The following LRCH2 variants were observed in gnomAD, a reference collection of about 807,000 sequenced individuals.
LRCH2 encodes leucine-rich repeat and calponin homology domain-containing protein 2.
LRCH2 carries 38 observed loss-of-function variants against 68.9 expected under a neutral mutation model. The observed-to-expected ratio is 0.55, with a 90% CI of 0.43 to 0.72. The LOEUF is 0.72. Ranked by LOEUF, LRCH2 falls within the 30% of genes least tolerant of loss-of-function variation. LRCH2 has a pLI of 0.00. For missense variants in LRCH2, 528 were observed against 572.9 expected (o/e 0.92, Z 0.80); for synonymous variants, 191 against 208.1 (o/e 0.92, Z 0.71).
intron 1 of LRCH2, chrX:115,189,363 C>G (rs1212294068): frequency 1.5e-5 from 16 of 1,050,172 alleles, no homozygotes; most frequent in Non-Finnish European, 1.9e-5. Context: ...CCGCCCTCCA[C>G]GAGAGCGCTC....
chrX:115,197,385 A>C (rs2072895358), intron 1 of LRCH2, among the ~76,000 whole-genome samples: 2 of 112,154 alleles, frequency 1.8e-5, no homozygotes, highest in African/African-American at 6.5e-5. Context: ...GAAATCTAAA[A>C]ACCAATACAA....
intron 1 of LRCH2, among the ~76,000 whole-genome samples, chrX:115,224,165 A>C (rs1294686189): frequency 1.8e-5 from 2 of 111,645 alleles, no homozygotes; most frequent in East Asian, 5.6e-4. Flanking sequence ...GATGGGGTAA[A>C]TCTATAGAGA....
In LRCH2 at chrX:115,150,017, C is replaced by G; in HGVS notation, c.1578+5G>C. ...AGATATAATTGTAATTTAATTTCTT[C>G]TTACCTGCCAGGTGAGGGGTGATAA... On this transcript the variant is annotated splice_donor_5th_base_variant and intron_variant, in intron 13 of 20. Transcript: ENST00000317135. 1 of 1,167,646 alleles carries G rather than the reference C, an allele frequency of 8.6e-7. No homozygotes were observed. Among genetic ancestry groups the G allele is most frequent in the Non-Finnish European group, 1.1e-6 (1 of 871,210 alleles).
At chrX:115,154,921 G>C (rs1212830180) in intron 12 of LRCH2, among the ~76,000 whole-genome samples, 1 of 107,937 alleles carries the variant, frequency 9.3e-6, no homozygotes, top group Non-Finnish European at 1.9e-5. Flanking sequence ...AGCATTTTGG[G>C]AGGCTGAGGC....
Position 115,233,766 on chromosome X carries a change from G to A in LRCH2, c.276C>T (p.Ile92=). 2 of 1,179,383 alleles carry A rather than the reference G, an allele frequency of 1.7e-6. No homozygotes were observed. Among genetic ancestry groups the A allele is most frequent in the East Asian group, 6.3e-5 (2 of 31,813 alleles). ...GGAGTTTCCGACCACTGAGGCTCAG[G>A]ATGCCGGAGCTGCCCGCCTCTTCCA... ...RALEEAGSSG[I]LSLSGRKLRD... is the part of the protein sequence containing the mutation. Residue 92 remains isoleucine, a synonymous_variant, in exon 1 of 21, where the codon ATC becomes ATT. Transcript: ENST00000317135.
At chrX:115,226,962 T>C (rs1556576446) in intron 1 of LRCH2, among the ~76,000 whole-genome samples, 2 of 111,330 alleles carry the variant, frequency 1.8e-5, no homozygotes, top group South Asian at 3.9e-4. Flanking sequence ...TGCTGCACTT[T>C]CCATTTATCT....
chrX:115,205,788 A>T (rs1238507855), intron 1 of LRCH2, among the ~76,000 whole-genome samples: 1 of 110,919 alleles, frequency 9.0e-6, no homozygotes, highest in African/African-American at 3.3e-5. Context: ...AATACAAAAA[A>T]TTAGCCAGGC....
chrX:115,182,100 CT>C (rs1166354190), intron 3 of LRCH2, among the ~76,000 whole-genome samples: 1 of 111,362 alleles, frequency 9.0e-6, no homozygotes, highest in East Asian at 2.8e-4. Flanking sequence ...ATATAAGAGA[CT>C]TGAGCATTCG....
intron 11 of LRCH2, among the ~76,000 whole-genome samples, chrX:115,157,900 A>T (rs1284088221): frequency 9.1e-6 from 1 of 110,144 alleles, no homozygotes; most frequent in African/African-American, 3.3e-5. Context: ...CATTGTGATT[A>T]CGGTTGTGTA....
At chrX:115,232,589 C>T (rs1556578807) in intron 1 of LRCH2, among the ~76,000 whole-genome samples, 1 of 111,559 alleles carries the variant, frequency 9.0e-6, no homozygotes, top group Non-Finnish European at 1.9e-5. Flanking sequence ...GATCTAAAAA[C>T]TGAATACATC....
At position 115,112,074 on chromosome X, in the gene LRCH2, G is replaced by A. The variant is rs1160181822; in HGVS notation, c.*1142C>T. 2.7e-5 allele frequency: 3 copies of A among 111,795 alleles called. No homozygotes were observed. In the East Asian group the frequency reaches 8.4e-4, roughly 31 times the overall value. 9.2% of individuals were successfully genotyped at this position (111,795 alleles called of 1,213,427 possible). A position where few individuals can be genotyped will look rare whatever the true frequency, so the allele number is the denominator to read the frequency against. On this transcript the variant is annotated 3_prime_UTR_variant, in exon 21 of 21. Transcript: ENST00000317135. Reference sequence around the variant, plus strand: ...ACAGTATCTCATGAAAATATTTATAGAAGAGTCTGTGTTTAATTTAACATC... The same window carrying A: ...ACAGTATCTCATGAAAATATTTATAAAAGAGTCTGTGTTTAATTTAACATC...
intron 1 of LRCH2, among the ~76,000 whole-genome samples, chrX:115,216,131 T>C (rs1353556394): frequency 4.5e-5 from 5 of 112,175 alleles, no homozygotes; most frequent in Admixed American, 9.5e-5. Context: ...TGGAATATCC[T>C]GTAGCCTTTA....
intron 20 of LRCH2, 51 bp downstream of exon 20, chrX:115,122,476 T>G (rs1439333924): frequency 2.9e-6 from 3 of 1,018,567 alleles, no homozygotes; most frequent in Non-Finnish European, 4.1e-6. Flanking sequence ...CCAGTTTGCA[T>G]GTAATAAATT....
intron 1 of LRCH2, among the ~76,000 whole-genome samples, chrX:115,221,194 AAAAAAAAAAAAAAAAAATATAT>A (rs1412722473): frequency 1.4e-3 from 75 of 52,274 alleles, no homozygotes; most frequent in East Asian, 5.6e-3. Context: ...AAAAAAAAAA[AAAAAAAAAAAAAAAAAATATAT>A]ATATATATAT....
chrX:115,208,106 C>G (rs1556568852), intron 1 of LRCH2, among the ~76,000 whole-genome samples: 1 of 112,201 alleles, frequency 8.9e-6, no homozygotes, highest in African/African-American at 3.2e-5. Context: ...AGTCTCCAAA[C>G]CTGTGAGAGA....
At chrX:115,208,810 G>A (rs1040454235) in intron 1 of LRCH2, among the ~76,000 whole-genome samples, 1 of 111,920 alleles carries the variant, frequency 8.9e-6, no homozygotes, top group Non-Finnish European at 1.9e-5. Flanking sequence ...TAATAATATA[G>A]ATTACCATAG....
chrX:115,192,348 G>A, intron 1 of LRCH2: 2 of 1,075,313 alleles, frequency 1.9e-6, no homozygotes, highest in South Asian at 4.1e-5. Context: ...GTTCCATCAA[G>A]AGTTACGGCC....
At chrX:115,206,521 T>C (rs1436789592) in intron 1 of LRCH2, among the ~76,000 whole-genome samples, 1 of 112,621 alleles carries the variant, frequency 8.9e-6, no homozygotes, top group Non-Finnish European at 1.9e-5. Context: ...CTGAAGGAGA[T>C]GCTCCTATCG....
Position 115,233,910 on chromosome X carries a change from CCCGCCG to C in LRCH2, c.126_131del (p.Gly43_Gly44del). The C allele has an allele frequency of 8.9e-7, 1 of 1,128,108 alleles. No homozygotes were observed. Among genetic ancestry groups the C allele is most frequent in the Non-Finnish European group, 1.2e-6 (1 of 843,508 alleles). 93.0% of individuals were successfully genotyped at this position (1,128,108 alleles called of 1,213,427 possible). ...GTACCGGGATGGGGACCACCAGGGT[CCCGCCG>C]CCGCCGCCGCCTCCCCCTCCAGCCC... On this transcript the variant is annotated inframe_deletion, in exon 1 of 21. Coordinates refer to ENST00000317135, the MANE Select transcript of LRCH2 (RefSeq NM_020871.4).
Sources: gnomAD v4.1 joint callset for allele counts (sites outside exome capture counted in the v4.1 genomes callset) on GRCh38, gnomAD v4.1.1 for gene constraint, MANE v1.5 for transcripts, NCBI Gene and HGNC (gene_info 2026-07-23, HGNC 2026-07-21) for gene names.